STXBP5L: variants seen among roughly 807,000 people sequenced by gnomAD.
STXBP5L encodes the protein syntaxin binding protein 5L.
STXBP5L carries 65 observed loss-of-function variants against 144.5 expected under a neutral mutation model. The observed-to-expected ratio is 0.45, with a 90% CI of 0.37 to 0.55. The LOEUF is 0.55. Among genes scored for constraint, STXBP5L ranks in the 20% least tolerant of loss-of-function variants. STXBP5L has a pLI of 0.00. For synonymous variants in STXBP5L, 505 were observed against 469.6 expected (o/e 1.08, Z -0.97); for missense variants, 1,298 against 1,405.5 (o/e 0.92, Z 1.22).
At chr3:121,130,557 G>T (rs1001259621) in intron 7 of STXBP5L, among the ~76,000 whole-genome samples, 14 of 152,124 alleles carry the variant, frequency 9.2e-5, no homozygotes, top group African/African-American at 3.1e-4. Context: ...GAGGAGGAAA[G>T]AAGTTATGCC....
chr3:121,413,488 G>A (rs568055320), intron 24 of STXBP5L, among the ~76,000 whole-genome samples, 165 bp downstream of exon 24: 7 of 152,258 alleles, frequency 4.6e-5, no homozygotes, highest in Non-Finnish European at 1.5e-5. Flanking sequence ...TTCTAGTATG[G>A]TTCTAGGTAT....
intron 9 of STXBP5L, among the ~76,000 whole-genome samples, chr3:121,199,883 G>A (rs1423293580): frequency 2.0e-5 from 3 of 152,070 alleles, no homozygotes; most frequent in African/African-American, 7.2e-5. Context: ...GATTTGGTCT[G>A]CCAGTATTTT....
intron 5 of STXBP5L, among the ~76,000 whole-genome samples, chr3:121,062,474 G>T (rs575671786): frequency 6.6e-6 from 1 of 152,302 alleles, no homozygotes; most frequent in East Asian, 1.9e-4. Flanking sequence ...TGATGATTAT[G>T]TGTCTTGGGA....
Position 121,381,333 on chromosome 3 carries a change from T to C in STXBP5L, c.2388T>C (p.Ser796=). Residue 796 remains serine, a synonymous_variant, in exon 22 of 27, where the codon AGT becomes AGC. Transcript: ENST00000471454. ...CCTATAATCGTTCTAGAAGCTCTAGTATCTCCAGTATTGACAAAGATTCTA... is the reference window on the plus strand; with the variant it reads ...CCTATAATCGTTCTAGAAGCTCTAGCATCTCCAGTATTGACAAAGATTCTA... ...ENSYNRSRSS[S]ISSIDKDSKE... The C allele has an allele frequency of 6.3e-7, 1 of 1,595,174 alleles. No homozygotes were observed. Among genetic ancestry groups the C allele is most frequent in the Non-Finnish European group, 8.5e-7 (1 of 1,175,070 alleles).
chr3:120,994,303 G>T (rs188322716), intron 3 of STXBP5L, among the ~76,000 whole-genome samples: 98 of 152,006 alleles, frequency 6.4e-4, no homozygotes, highest in Admixed American at 1.8e-3. Flanking sequence ...TAATTGCTCT[G>T]GCTAGAATTT....
intron 19 of STXBP5L, among the ~76,000 whole-genome samples, chr3:121,316,364 A>G (rs547243742): frequency 1.3e-5 from 2 of 152,170 alleles, no homozygotes; most frequent in South Asian, 4.1e-4. Context: ...AAAAGATGGT[A>G]TTTTCCAGAC....
At chr3:121,190,706 C>T (rs1422309184) in intron 9 of STXBP5L, among the ~76,000 whole-genome samples, 9 of 151,782 alleles carry the variant, frequency 5.9e-5, no homozygotes, top group Non-Finnish European at 1.3e-4. Context: ...CCTGACGGGG[C>T]GGCTGGCCGG....
intron 10 of STXBP5L, among the ~76,000 whole-genome samples, chr3:121,220,150 T>C (rs1205826504): frequency 1.3e-5 from 2 of 152,086 alleles, no homozygotes; most frequent in Non-Finnish European, 2.9e-5. Flanking sequence ...CTCCTAACCC[T>C]TGGCAACCAC....
intron 5 of STXBP5L, among the ~76,000 whole-genome samples, chr3:121,049,018 G>A (rs563320760): frequency 4.6e-5 from 7 of 152,340 alleles, no homozygotes; most frequent in African/African-American, 1.7e-4. Context: ...ATGGTGGCCT[G>A]CTTGCTCCTT....
chr3:121,092,888 G>A (rs1282140443), intron 5 of STXBP5L, among the ~76,000 whole-genome samples: 3 of 152,146 alleles, frequency 2.0e-5, no homozygotes, highest in African/African-American at 7.2e-5. Flanking sequence ...TGCCCATTCA[G>A]TATGATATTG....
At chr3:121,177,364 A>T (rs999489436) in intron 9 of STXBP5L, among the ~76,000 whole-genome samples, 1 of 152,126 alleles carries the variant, frequency 6.6e-6, no homozygotes, top group African/African-American at 2.4e-5. Flanking sequence ...TATATCTCAT[A>T]AAGGGTGAAT....
chr3:120,977,251 T>TAC (rs1941162007), intron 3 of STXBP5L, among the ~76,000 whole-genome samples: 2 of 152,242 alleles, frequency 1.3e-5, no homozygotes, highest in African/African-American at 4.8e-5. Flanking sequence ...CATATATATT[T>TAC]AGGATAGTTA....
intron 5 of STXBP5L, among the ~76,000 whole-genome samples, chr3:121,089,431 C>T (rs1476999147): frequency 2.0e-5 from 3 of 151,674 alleles, no homozygotes; most frequent in Non-Finnish European, 4.4e-5. Flanking sequence ...CATTCTACTT[C>T]CTCCTGGTCT....
chr3:121,407,531 C>T lies in STXBP5L; in HGVS notation c.2876C>T (p.Ala959Val). The T allele has an allele frequency of 6.2e-7, 1 of 1,613,372 alleles. No homozygotes were observed. Among genetic ancestry groups the T allele is most frequent in the South Asian group, 1.1e-5 (1 of 91,066 alleles). ...ACGGAGACATCTTTTATACTGCAAG[C>T]AAATGTGGTGGTCATGTGTAGCAGT... Reference protein sequence around the residue: ...NITETSFILQANVVVMCSSAC... With the variant: ...NITETSFILQVNVVVMCSSAC... The change falls in exon 23 of 27, where the codon GCA becomes GTA. Residue 959 changes from alanine (A) to valine (V), a missense_variant. Transcript: ENST00000471454.
chr3:121,415,288 T>G (rs899538063), intron 24 of STXBP5L, among the ~76,000 whole-genome samples: 1 of 152,218 alleles, frequency 6.6e-6, no homozygotes, highest in African/African-American at 2.4e-5. Flanking sequence ...CCTGGATATC[T>G]GCATTTCTAA....
intron 22 of STXBP5L, among the ~76,000 whole-genome samples, chr3:121,398,164 T>A (rs1457523833): frequency 2.0e-5 from 3 of 152,240 alleles, no homozygotes; most frequent in Non-Finnish European, 4.4e-5. Context: ...GAAGTAGATA[T>A]AACAATTTGA....
rs544159465 is a variant in STXBP5L, at chr3:121,150,121, T to G, written c.670-2356T>G. Among the ~76,000 whole-genome samples, 89 of 152,236 alleles carry G rather than the reference T, an allele frequency of 5.8e-4. 1 individual carries two copies. The highest frequency in any genetic ancestry group is 2.0e-3 in the African/African-American group (85 of 41,560). On this transcript the variant is annotated intron_variant, in intron 7 of 26. Coordinates refer to ENST00000471454, the MANE Select transcript of STXBP5L (RefSeq NM_001308330.2). ...ACTTCTAATTTTATTTTACTGTGGT[T>G]AGAATATAATATCTACAATTTTGAT...
At chr3:121,249,924 C>G (rs1559904757) in intron 14 of STXBP5L, among the ~76,000 whole-genome samples, 3 of 151,906 alleles carry the variant, frequency 2.0e-5, no homozygotes, top group Admixed American at 1.3e-4. Context: ...ATGTCAAATG[C>G]TTTTTCTGCA....
chr3:121,110,608 A>T (rs1454206132), intron 5 of STXBP5L, among the ~76,000 whole-genome samples: 1 of 152,052 alleles, frequency 6.6e-6, no homozygotes, highest in Admixed American at 6.6e-5. Flanking sequence ...TGTTAGTCTG[A>T]TGGACTTGCC....
Sources: gnomAD v4.1 joint callset for allele counts (sites outside exome capture counted in the v4.1 genomes callset) on GRCh38, gnomAD v4.1.1 for gene constraint, MANE v1.5 for transcripts, NCBI Gene and HGNC (gene_info 2026-07-23, HGNC 2026-07-21) for gene names.